Variants in DDX4 observed in about 807,000 individuals in gnomAD.
The protein encoded by DDX4 is DEAD-box helicase 4.
In DDX4, 25 loss-of-function variants were observed where a neutral mutation model predicts 100.0. The ratio of observed to expected loss-of-function variants is 0.25; its 90% confidence interval spans 0.18 to 0.35. DDX4 has a LOEUF of 0.35. DDX4 is among the 10% of genes least tolerant of loss of function. The pLI is 1.00. For synonymous variants in DDX4, 259 were observed against 275.7 expected (o/e 0.94, Z 0.60); for missense variants, 635 against 882.4 (o/e 0.72, Z 3.55).
chr5:55,769,048 T>C (rs1161205068), intron 7 of DDX4, among the ~76,000 whole-genome samples: 1 of 152,186 alleles, frequency 6.6e-6, no homozygotes, highest in African/African-American at 2.4e-5. Flanking sequence ...TTTGCAAATA[T>C]TTTCTCCCAT....
chr5:55,812,409 A>C (rs1268071950), intron 18 of DDX4, among the ~76,000 whole-genome samples: 1 of 152,100 alleles, frequency 6.6e-6, no homozygotes, highest in Non-Finnish European at 1.5e-5. Flanking sequence ...AAAATACAAA[A>C]AAAAATTAGC....
chr5:55,739,045 A>G lies in DDX4; in HGVS notation c.69+13A>G, dbSNP rs757713756. 6.8e-7 allele frequency: 1 copy of G among 1,478,026 alleles called. No homozygotes were observed. The highest frequency in any genetic ancestry group is 1.7e-5 in the Admixed American group (1 of 57,474). The allele number at this position is 1,478,026 out of a possible 1,614,324, so 91.6% of individuals were successfully genotyped here. ...CATATTTGAGAAGGTAATAACATTT[A>G]AAGTTTAGTTATTAAATGCTACGGA... is the stretch of plus-strand genomic sequence containing the variant. On this transcript the variant is annotated intron_variant, in intron 2 of 21. Transcript: ENST00000505374.
intron 6 of DDX4, among the ~76,000 whole-genome samples, chr5:55,764,451 G>A (rs192910171): frequency 6.6e-6 from 1 of 152,296 alleles, no homozygotes; most frequent in Admixed American, 6.5e-5. Flanking sequence ...ATGTAAATCA[G>A]TGCTGAAATT....
At chr5:55,743,987 T>G (rs1759122261) in intron 2 of DDX4, among the ~76,000 whole-genome samples, 1 of 151,948 alleles carries the variant, frequency 6.6e-6, no homozygotes, top group Non-Finnish European at 1.5e-5. Flanking sequence ...TCTTCAGATT[T>G]TAAATAGAAA....
intron 1 of DDX4, 123 bp from the exon 2 acceptor site, chr5:55,738,827 T>C: frequency 3.0e-6 from 2 of 674,364 alleles, no homozygotes; most frequent in South Asian, 3.4e-5. Context: ...GAAAAAACTT[T>C]TGGGGTATCA....
chr5:55,811,189 A>G (rs1744107822), intron 18 of DDX4, among the ~76,000 whole-genome samples: 2 of 152,162 alleles, frequency 1.3e-5, no homozygotes, highest in African/African-American at 4.8e-5. Flanking sequence ...AATTCCATAC[A>G]AACTGAGTGA....
chr5:55,810,834 T>C (rs1744085061), intron 18 of DDX4, among the ~76,000 whole-genome samples: 1 of 152,066 alleles, frequency 6.6e-6, no homozygotes, highest in African/African-American at 2.4e-5. Context: ...CAGAGGAGAG[T>C]TGAATATTTG....
Position 55,772,345 on chromosome 5 carries a change from T to C in DDX4, c.394+4405T>C, listed in dbSNP as rs147335750. The stretch of plus-strand genomic sequence containing the variant: ...ACTGAAAAGACTGTCCCTTCTGCTT[T>C]GCACTACAGGGCTGCCTTTGTCCTA... On this transcript the variant is annotated intron_variant, in intron 7 of 21. Transcript: ENST00000505374. 9.8e-4 allele frequency among the ~76,000 whole-genome samples: 150 copies of C among 152,366 alleles called. 1 individual carries two copies. The highest frequency in any genetic ancestry group is 3.3e-3 in the African/African-American group (139 of 41,586).
chr5:55,768,042 C>T, intron 7 of DDX4, 102 bp downstream of exon 7: 1 of 1,086,214 alleles, frequency 9.2e-7, no homozygotes, highest in Non-Finnish European at 1.4e-6. Flanking sequence ...TCGTGAAAAC[C>T]TTTGAAGAAA....
At chr5:55,806,326 C>T (rs1273112172) in intron 18 of DDX4, among the ~76,000 whole-genome samples, 2 of 152,128 alleles carry the variant, frequency 1.3e-5, no homozygotes, top group African/African-American at 2.4e-5. Context: ...TTATTTCCTT[C>T]AGTTCTGCTC....
intron 7 of DDX4, 46 bp from the exon 8 acceptor site, chr5:55,779,917 CT>C: frequency 6.3e-7 from 1 of 1,578,058 alleles, no homozygotes; most frequent in East Asian, 2.3e-5. Context: ...CCCAAGATTT[CT>C]TTGTTGTTGT....
intron 4 of DDX4, among the ~76,000 whole-genome samples, chr5:55,762,115 T>TGGTTTCA (rs1412621945): frequency 7.2e-5 from 11 of 152,276 alleles, no homozygotes; most frequent in African/African-American, 2.6e-4. Context: ...ATTTTACAGG[T>TGGTTTCA]GGTTTCAGGA....
chr5:55,753,272 C>T (rs548851312), intron 3 of DDX4, among the ~76,000 whole-genome samples: 18 of 152,286 alleles, frequency 1.2e-4, no homozygotes, highest in East Asian at 5.8e-4. Context: ...ATGGTAATGC[C>T]TAGATTTTCT....
intron 7 of DDX4, among the ~76,000 whole-genome samples, chr5:55,777,303 A>G (rs536397447): frequency 3.9e-5 from 6 of 152,178 alleles, no homozygotes; most frequent in Admixed American, 1.3e-4. Context: ...ATATTTCAAT[A>G]TGGAGTTGAA....
chr5:55,798,321 C>T (rs978209265), intron 17 of DDX4, 105 bp from the exon 18 acceptor site: 4 of 1,168,790 alleles, frequency 3.4e-6, no homozygotes, highest in Non-Finnish European at 4.8e-6. Flanking sequence ...CTGTTATAAT[C>T]TGCTGTCTGA....
chr5:55,778,961 A>G (rs945238588), intron 7 of DDX4, among the ~76,000 whole-genome samples: 1 of 152,096 alleles, frequency 6.6e-6, no homozygotes, highest in African/African-American at 2.4e-5. Flanking sequence ...TAACACTAAT[A>G]TGTTGCTTAA....
intron 2 of DDX4, 129 bp downstream of exon 2, chr5:55,739,161 A>G: frequency 1.6e-6 from 1 of 641,226 alleles, no homozygotes; most frequent in Non-Finnish European, 2.7e-6. Context: ...ATTAACTATT[A>G]TATGGGGAAT....
chr5:55,789,029 C>G (rs978877646), intron 15 of DDX4, among the ~76,000 whole-genome samples: 3 of 151,468 alleles, frequency 2.0e-5, no homozygotes, highest in African/African-American at 7.3e-5. Flanking sequence ...CCACTGCATT[C>G]CAGCCTAGAT....
At chr5:55,750,479 A>G (rs28555428) in intron 3 of DDX4, 27,513 of 155,200 alleles carry the variant, frequency 0.18, 3,198 homozygotes, top group Admixed American at 0.3. Context: ...GGGGGGGTGC[A>G]CCACTGAATG....
Sources: allele counts gnomAD v4.1 joint callset (sites outside exome capture counted in the v4.1 genomes callset), GRCh38; gene constraint gnomAD v4.1.1; transcripts MANE v1.5; gene names NCBI Gene and HGNC (gene_info 2026-07-23, HGNC 2026-07-21).